The following SMOC2 variants were observed in gnomAD, a reference collection of about 807,000 sequenced individuals.
SMOC2 encodes SPARC-related modular calcium-binding protein 2.
A neutral mutation model predicts 61.4 loss-of-function variants in SMOC2; 39 were observed. The ratio of observed to expected loss-of-function variants is 0.64; its 90% CI spans 0.49 to 0.83. SMOC2 has a LOEUF of 0.83. SMOC2 is among the 40% of genes least tolerant of loss of function. SMOC2 has a pLI of 0.00. For missense variants in SMOC2, 556 were observed against 592.9 expected (o/e 0.94, Z 0.65); for synonymous variants, 247 against 239.9 (o/e 1.03, Z -0.27).
chr6:168,589,007 G>T (rs113732160), intron 7 of SMOC2, among the ~76,000 whole-genome samples: 1,638 of 151,592 alleles, frequency 0.011, 28 homozygotes, highest in African/African-American at 0.037. Flanking sequence ...AACCGGGGAG[G>T]TGGAGGTTGC....
chr6:168,545,574 G>A (rs1270214754), intron 5 of SMOC2, among the ~76,000 whole-genome samples: 1 of 152,256 alleles, frequency 6.6e-6, no homozygotes, highest in African/African-American at 2.4e-5. Flanking sequence ...GTGCTGAGGA[G>A]GGAAGCATGG....
intron 4 of SMOC2, among the ~76,000 whole-genome samples, chr6:168,543,238 C>T (rs898090108): frequency 2.0e-5 from 3 of 152,168 alleles, no homozygotes; most frequent in Admixed American, 2.0e-4. Context: ...TTTTAGTTAT[C>T]TTTGGTTGTG....
chr6:168,590,115 C>G (rs1455042860), intron 7 of SMOC2, among the ~76,000 whole-genome samples: 36 of 113,246 alleles, frequency 3.2e-4, no homozygotes, highest in Non-Finnish European at 5.4e-4. Flanking sequence ...TAGGGGGCAG[C>G]CGGCCTGGTG....
chr6:168,507,393 T>C (rs1392338207), intron 1 of SMOC2, among the ~76,000 whole-genome samples: 1 of 152,218 alleles, frequency 6.6e-6, no homozygotes, highest in Non-Finnish European at 1.5e-5. Context: ...TCTGTTTTCT[T>C]CCCTCTTTCT....
At chr6:168,642,509 A>G (rs994181039) in intron 9 of SMOC2, among the ~76,000 whole-genome samples, 6 of 152,016 alleles carry the variant, frequency 3.9e-5, no homozygotes, top group Non-Finnish European at 8.8e-5. Flanking sequence ...GTTAACCATC[A>G]CTGGCCAGGA....
intron 7 of SMOC2, among the ~76,000 whole-genome samples, chr6:168,571,301 C>G (rs563042625): frequency 6.6e-6 from 1 of 152,160 alleles, no homozygotes; most frequent in African/African-American, 2.4e-5. Context: ...GTGGAAACAC[C>G]GGTGGGTGTG....
intron 8 of SMOC2, 62 bp from the exon 9 acceptor site, chr6:168,608,094 AC>A: frequency 3.4e-6 from 5 of 1,492,516 alleles, no homozygotes; most frequent in Non-Finnish European, 4.6e-6. Context: ...TGGAAGACAA[AC>A]CACAGCTGGT....
chr6:168,521,862 C>A (rs568414362), intron 2 of SMOC2, among the ~76,000 whole-genome samples: 54 of 152,290 alleles, frequency 3.5e-4, no homozygotes, highest in African/African-American at 1.2e-3. Context: ...CCGACAGAGA[C>A]CCTGTCTCTA....
At chr6:168,449,042 T>A (rs1562534896) in intron 1 of SMOC2, among the ~76,000 whole-genome samples, 1 of 152,182 alleles carries the variant, frequency 6.6e-6, no homozygotes, top group Non-Finnish European at 1.5e-5. Context: ...TACCTGGTTT[T>A]TTCTTTCTTC....
At chr6:168,604,653 T>C (rs909410276) in intron 8 of SMOC2, among the ~76,000 whole-genome samples, 9 of 152,230 alleles carry the variant, frequency 5.9e-5, no homozygotes. Flanking sequence ...AATTTCCTGA[T>C]GGGGAAGAAA....
chr6:168,666,012 A>G (rs1264571299), intron 12 of SMOC2, among the ~76,000 whole-genome samples: 1 of 152,140 alleles, frequency 6.6e-6, no homozygotes, highest in African/African-American at 2.4e-5. Flanking sequence ...TTCTTCTTAA[A>G]GAGGTAAACT....
In SMOC2 at chr6:168,533,753, TA is replaced by T. The variant is rs567875941; in HGVS notation, c.463+6029del. Among the ~76,000 whole-genome samples, 533 of 152,178 alleles carry T rather than the reference TA, an allele frequency of 3.5e-3. 6 individuals are homozygous for T. The highest frequency in any genetic ancestry group is 0.028 in the South Asian group (134 of 4,822). ...TCTTTTCTTGAAAAGTGAAAGTTAT[TA>T]AAGTAAAATATTTCAATACCATTGA... On this transcript the variant is annotated intron_variant, in intron 4 of 12. Coordinates refer to ENST00000356284, the MANE Select transcript of SMOC2 (RefSeq NM_001166412.2).
At position 168,453,076 on chromosome 6, in the gene SMOC2, C is replaced by A. The variant is rs1018493225; in HGVS notation, c.84+11622C>A. On this transcript the variant is annotated intron_variant, in intron 1 of 12. Coordinates refer to ENST00000356284, the MANE Select transcript of SMOC2 (RefSeq NM_001166412.2). This position sits in a 1 kb window ranked among gnomAD's most constrained non-coding sequence, Gnocchi z 4.4. The stretch of plus-strand genomic sequence containing the variant: ...ACAGCCTCTGTTTCTGCACCAGAGT[C>A]CCCAGGGCCTTGGCCGGACACTCAG... Among the ~76,000 whole-genome samples, 2 of 152,216 alleles carry A rather than the reference C, an allele frequency of 1.3e-5. No individual in the cohort carries two copies. Among genetic ancestry groups the A allele is most frequent in the African/African-American group, 4.8e-5 (2 of 41,454 alleles).
chr6:168,521,823 C>A (rs143770090), intron 2 of SMOC2, among the ~76,000 whole-genome samples: 2 of 152,130 alleles, frequency 1.3e-5, no homozygotes, highest in Non-Finnish European at 2.9e-5. Context: ...TGCAGTGAGC[C>A]GTGATGGCAC....
chr6:168,442,139 A>G (rs1408864311), intron 1 of SMOC2, among the ~76,000 whole-genome samples: 1 of 152,232 alleles, frequency 6.6e-6, no homozygotes, highest in Non-Finnish European at 1.5e-5. Context: ...GAGTGTTATT[A>G]GAGAAGCGCT....
intron 1 of SMOC2, among the ~76,000 whole-genome samples, chr6:168,465,901 A>G (rs2609305): frequency 7.9e-5 from 7 of 89,118 alleles, no homozygotes; most frequent in Admixed American, 3.3e-4. Flanking sequence ...ATGAAGCGGC[A>G]TGCTGCTCTG....
chr6:168,617,896 G>A (rs1321248971), intron 9 of SMOC2, among the ~76,000 whole-genome samples: 4 of 152,288 alleles, frequency 2.6e-5, no homozygotes, highest in East Asian at 1.9e-4. Flanking sequence ...GGCGGGGGTC[G>A]CGTCCAGCGC....
chr6:168,588,074 C>T (rs1785084002), intron 7 of SMOC2, among the ~76,000 whole-genome samples: 1 of 151,644 alleles, frequency 6.6e-6, no homozygotes, highest in African/African-American at 2.4e-5. Context: ...CTTTTGTTTC[C>T]TCACATGGTG....
At chr6:168,563,660 C>A (rs1784475306) in intron 7 of SMOC2, among the ~76,000 whole-genome samples, 1 of 152,050 alleles carries the variant, frequency 6.6e-6, no homozygotes, top group Non-Finnish European at 1.5e-5. Context: ...CCCAGGAGAC[C>A]CTTGCCCCTC....
Sources: allele counts gnomAD v4.1 joint callset (sites outside exome capture counted in the v4.1 genomes callset), GRCh38; gene constraint gnomAD v4.1.1; non-coding constraint Gnocchi (gnomAD v3.1); transcripts MANE v1.5; gene names NCBI Gene and HGNC (gene_info 2026-07-23, HGNC 2026-07-21).